The following MLXIP variants were observed in gnomAD, a reference collection of about 807,000 sequenced individuals.
MLXIP encodes the protein MLX interacting protein, also known as MLX-interacting protein.
MLXIP carries 30 observed loss-of-function variants against 87.2 expected under a neutral mutation model. The ratio of observed to expected loss-of-function variants is 0.34; its 90% CI spans 0.26 to 0.47. The LOEUF (loss-of-function observed/expected upper bound fraction) is 0.47, where lower values mean the gene tolerates loss of function less well. Among genes scored for constraint, MLXIP ranks in the 20% least tolerant of loss-of-function variants. MLXIP has a pLI of 1.00. For missense variants in MLXIP, 1,002 were observed against 1,240.1 expected, an observed-to-expected ratio of 0.81 and a Z score of 2.88; for synonymous variants, 530 against 514.0, an observed-to-expected ratio of 1.03 and a Z score of -0.42.
intron 14 of MLXIP, 98 bp downstream of exon 14, chr12:122,138,649 T>C: frequency 1.3e-6 from 2 of 1,507,940 alleles, no homozygotes; most frequent in South Asian, 1.3e-5. Flanking sequence ...CACTGGTCAG[T>C]GCCTCTTTGC....
chr12:122,127,739 C>A, intron 2 of MLXIP, 144 bp from the exon 3 acceptor site: 1 of 688,206 alleles, frequency 1.5e-6, no homozygotes. Context: ...TCCTTTATTT[C>A]CCTGAAATCT....
intron 1 of MLXIP, among the ~76,000 whole-genome samples, chr12:122,126,032 C>T (rs1952876499): frequency 6.6e-6 from 1 of 152,140 alleles, no homozygotes; most frequent in South Asian, 2.1e-4. Context: ...AGGGCTGTGG[C>T]CTGTGGTCAG....
intron 1 of MLXIP, among the ~76,000 whole-genome samples, chr12:122,117,471 C>A (rs774115872): frequency 2.0e-5 from 3 of 152,238 alleles, no homozygotes; most frequent in Non-Finnish European, 2.9e-5. Context: ...ATAGAGACTG[C>A]CCTTTTGAAG....
At chr12:122,108,276 G>A (rs960440107) in intron 1 of MLXIP, among the ~76,000 whole-genome samples, 1 of 150,864 alleles carries the variant, frequency 6.6e-6, no homozygotes. Flanking sequence ...GCTGAGGCAG[G>A]AGAATGGCTT....
intron 1 of MLXIP, among the ~76,000 whole-genome samples, chr12:122,119,906 G>T (rs947558038): frequency 2.1e-4 from 32 of 152,176 alleles, no homozygotes; most frequent in Non-Finnish European, 5.9e-5. Flanking sequence ...CCTTCAAAAA[G>T]GCTCACAATT....
chr12:122,131,324 T>C (rs1231415857), intron 7 of MLXIP, among the ~76,000 whole-genome samples: 1 of 151,950 alleles, frequency 6.6e-6, no homozygotes, highest in Non-Finnish European at 1.5e-5. Context: ...ACATGTGTGG[T>C]TCCAACCAGA....
chr12:122,085,244 T>C (rs1952150180), intron 1 of MLXIP, among the ~76,000 whole-genome samples: 7 of 151,782 alleles, frequency 4.6e-5, no homozygotes, highest in Admixed American at 4.6e-4. Context: ...ATTCGGCCTG[T>C]GTCATTATGT....
rs1160116219 is a variant in MLXIP, at chr12:122,133,415, C to T, written c.1160C>T (p.Thr387Ile). The T allele has an allele frequency of 1.9e-6, 3 of 1,610,694 alleles. No homozygotes were observed. The highest frequency in any genetic ancestry group is 2.5e-6 in the Non-Finnish European group (3 of 1,177,866). ...SLPDSLIAPP[T>I]APSLAHMDEQ... ...CCTGACAGCCTCATCGCGCCCCCTA[C>T]CGCCCCATCCCTGGCTCACATGGAT... is the stretch of plus-strand genomic sequence containing the variant. Residue 387 changes from threonine to isoleucine, a missense_variant, in exon 9 of 17, where the codon ACC (threonine) becomes ATC (isoleucine). Coordinates refer to ENST00000319080, the MANE Select transcript of MLXIP (RefSeq NM_014938.6). The surrounding 1 kb of genome is among the most constrained non-coding windows in gnomAD (Gnocchi z 4.9).
chr12:122,110,820 G>C (rs553830470), intron 1 of MLXIP, among the ~76,000 whole-genome samples: 1 of 151,586 alleles, frequency 6.6e-6, no homozygotes, highest in African/African-American at 2.4e-5. Flanking sequence ...GCTCACGCCT[G>C]TAATCCCAGC....
At chr12:122,101,381 T>A (rs1952433496) in intron 1 of MLXIP, among the ~76,000 whole-genome samples, 1 of 151,520 alleles carries the variant, frequency 6.6e-6, no homozygotes, top group Non-Finnish European at 1.5e-5. Context: ...AAAATAGACC[T>A]GCAGCATCAT....
chr12:122,079,025 C>G lies in MLXIP; in HGVS notation c.172C>G (p.Pro58Ala). The change falls in exon 1 of 17, where the codon CCA becomes GCA. Residue 58 changes from proline to alanine, a missense_variant. Around this residue, in one of 3 missense-constraint regions of MLXIP, gnomAD observed 129 missense variants for 104.2 expected, o/e 1.24. Coordinates refer to ENST00000319080, the MANE Select transcript of MLXIP (RefSeq NM_014938.6). ...GGCCCGGGCCCACGCGAGCGCCGCG[C>G]CACCGCCGCCTCGGGCCGGGCCGGG... ...TPARAHASAAPPPPRAGPGRE... is the reference protein window; with the variant it reads ...TPARAHASAAAPPPRAGPGRE... 7.4e-7 allele frequency: 1 copy of G among 1,345,688 alleles called. No homozygotes were observed. Among genetic ancestry groups the G allele is most frequent in the Non-Finnish European group, 9.5e-7 (1 of 1,048,996 alleles). The allele number at this position is 1,345,688 out of a possible 1,614,324, so 83.4% of individuals were successfully genotyped here.
At position 122,133,638 on chromosome 12, in the gene MLXIP, C is replaced by A. The variant is rs1411791849; in HGVS notation, c.1383C>A (p.Asn461Lys). Residue 461 changes from asparagine (N) to lysine (K), a missense_variant, in exon 9 of 17, where the codon AAC becomes AAA. Physicochemically the swap from Asn to Lys is moderately conservative, Grantham distance 94. Transcript: ENST00000319080. The surrounding 1 kb of genome is among the most constrained non-coding windows in gnomAD (Gnocchi z 4.9). ...TTCCTCCTCCTGCCACTGCCCTGAA[C>A]CCCCCGGCTCCACCCACCTTCCATC... Reference protein sequence around the residue: ...PLVPPPATALNPPAPPTFHQP... With the variant: ...PLVPPPATALKPPAPPTFHQP... 4 of 1,612,284 alleles carry A rather than the reference C, an allele frequency of 2.5e-6. No individual in the cohort carries two copies. The highest frequency in any genetic ancestry group is 3.4e-6 in the Non-Finnish European group (4 of 1,179,360).
At chr12:122,119,549 AC>A (rs1952746744) in intron 1 of MLXIP, among the ~76,000 whole-genome samples, 1 of 151,700 alleles carries the variant, frequency 6.6e-6, no homozygotes, top group South Asian at 2.1e-4. Flanking sequence ...CTGCCACCAC[AC>A]CCGGCTAATT....
intron 1 of MLXIP, among the ~76,000 whole-genome samples, chr12:122,086,180 C>G (rs914580800): frequency 3.9e-5 from 6 of 152,200 alleles, no homozygotes; most frequent in Non-Finnish European, 8.8e-5. Flanking sequence ...CGCAGCCCTG[C>G]TGAATCTTGT....
Position 122,079,003 on chromosome 12 carries a change from C to G in MLXIP, c.150C>G (p.Ala50=). Residue 50 remains alanine, a synonymous_variant, in exon 1 of 17, where the codon GCC becomes GCG. Coordinates refer to ENST00000319080, the MANE Select transcript of MLXIP (RefSeq NM_014938.6). ...CCGCCTCCGGCGCGGCCACCCCGGC[C>G]CGGGCCCACGCGAGCGCCGCGCCAC... ...PPPASGAATP[A]RAHASAAPPP... is the part of the protein sequence containing the mutation. 8.5e-7 allele frequency: 1 copy of G among 1,183,048 alleles called. No individual in the cohort carries two copies. 73.3% of individuals were successfully genotyped at this position (1,183,048 alleles called of 1,614,324 possible). A position where few individuals can be genotyped will look rare whatever the true frequency, so the allele number is the denominator to read the frequency against.
chr12:122,132,196 A>G (rs1952993512), intron 7 of MLXIP, 96 bp from the exon 8 acceptor site: 1 of 900,746 alleles, frequency 1.1e-6, no homozygotes, highest in Non-Finnish European at 1.8e-6. Flanking sequence ...TGCTGGGATT[A>G]CAGGCATGAG....
In MLXIP at chr12:122,124,173, C is replaced by A. The variant is rs1401649702; in HGVS notation, c.414-3083C>A. Among the ~76,000 whole-genome samples the A allele has an allele frequency of 2.7e-3, 335 of 121,876 alleles. 4 individuals carry two copies. The highest frequency in any genetic ancestry group is 0.015 in the East Asian group (48 of 3,208). 80.0% of individuals were successfully genotyped at this position (121,876 alleles called of 152,430 possible). On this transcript the variant is annotated intron_variant, in intron 1 of 16. Coordinates refer to ENST00000319080, the MANE Select transcript of MLXIP (RefSeq NM_014938.6). ...TCAGCTGTCCCCCACCCTCAGCCGT[C>A]CCCCGCCCCAGCCGTCCCCCGCCCT...
At chr12:122,084,985 G>A (rs1016579092) in intron 1 of MLXIP, among the ~76,000 whole-genome samples, 1 of 152,082 alleles carries the variant, frequency 6.6e-6, no homozygotes, top group Non-Finnish European at 1.5e-5. Context: ...TTACCGAGAG[G>A]TTACACAACT....
intron 15 of MLXIP, among the ~76,000 whole-genome samples, chr12:122,139,885 G>T (rs1953166387): frequency 6.6e-6 from 1 of 152,188 alleles, no homozygotes; most frequent in Non-Finnish European, 1.5e-5. Flanking sequence ...TTTTGGCCAG[G>T]CTGGCCCCAA....
Sources: gnomAD v4.1 joint callset for allele counts (sites outside exome capture counted in the v4.1 genomes callset) on GRCh38, gnomAD v4.1.1 for gene constraint, gnomAD v4.1.1 regional missense constraint, Gnocchi (gnomAD v3.1) non-coding constraint, MANE v1.5 for transcripts, NCBI Gene and HGNC (gene_info 2026-07-23, HGNC 2026-07-21) for gene names.